GPC5: variants seen among roughly 807,000 people sequenced by gnomAD.
The protein encoded by GPC5 is glypican 5.
A neutral mutation model predicts 53.9 loss-of-function variants in GPC5; 47 were observed. The observed-to-expected ratio is 0.87, with a 90% confidence interval of 0.69 to 1.11. GPC5 has a LOEUF of 1.11. GPC5 is among the 50% of genes most tolerant of loss of function. GPC5 has a pLI of 0.00. For synonymous variants in GPC5, 286 were observed against 263.3 expected (o/e 1.09, Z -0.84); for missense variants, 748 against 713.1 (o/e 1.05, Z -0.56).
chr13:91,571,086 T>C (rs767120029), intron 2 of GPC5, among the ~76,000 whole-genome samples: 2 of 152,180 alleles, frequency 1.3e-5, no homozygotes, highest in African/African-American at 2.4e-5. Flanking sequence ...TTTTTAATGC[T>C]TCTGGTCTTT....
At chr13:92,459,160 A>G (rs1360918756) in intron 7 of GPC5, among the ~76,000 whole-genome samples, 2 of 152,180 alleles carry the variant, frequency 1.3e-5, no homozygotes, top group Non-Finnish European at 2.9e-5. Flanking sequence ...GCATCTCCAC[A>G]TCTTATTGAA....
intron 7 of GPC5, among the ~76,000 whole-genome samples, chr13:92,281,105 G>A (rs534049940): frequency 6.6e-6 from 1 of 152,190 alleles, no homozygotes; most frequent in Admixed American, 6.5e-5. Flanking sequence ...ATAATATCCC[G>A]TGCCTGGCTC....
intron 7 of GPC5, among the ~76,000 whole-genome samples, chr13:92,214,784 G>A (rs1248974144): frequency 4.6e-5 from 7 of 152,192 alleles, no homozygotes; most frequent in Admixed American, 2.0e-4. Flanking sequence ...CTTGAGATTA[G>A]TCTGCATTGT....
chr13:91,827,392 G>T (rs973073660), intron 5 of GPC5, among the ~76,000 whole-genome samples: 1 of 151,806 alleles, frequency 6.6e-6, no homozygotes, highest in Admixed American at 6.6e-5. Context: ...ACACAGGCAC[G>T]AATTGGAATA....
At chr13:92,755,782 A>G (rs1380721792) in intron 7 of GPC5, among the ~76,000 whole-genome samples, 1 of 141,688 alleles carries the variant, frequency 7.1e-6, no homozygotes, top group Non-Finnish European at 1.5e-5. Context: ...TAAACCAGGA[A>G]GAAGTTGAAT....
At chr13:92,185,227 G>GT (rs1555317422) in intron 7 of GPC5, among the ~76,000 whole-genome samples, 2 of 152,100 alleles carry the variant, frequency 1.3e-5, no homozygotes, top group African/African-American at 4.8e-5. Context: ...ATAACACACA[G>GT]TTTTTTATTC....
intron 3 of GPC5, among the ~76,000 whole-genome samples, chr13:91,727,827 T>C (rs966471488): frequency 6.6e-6 from 1 of 152,200 alleles, no homozygotes; most frequent in Non-Finnish European, 1.5e-5. Context: ...CAAGGTATCA[T>C]ATAAATCTTT....
intron 1 of GPC5, among the ~76,000 whole-genome samples, chr13:91,401,294 C>T (rs546666411): frequency 6.7e-6 from 1 of 149,926 alleles, no homozygotes; most frequent in Admixed American, 6.6e-5. Context: ...TCTCATCTCT[C>T]TAAAAAAAAA....
At chr13:92,256,907 C>G (rs1479509121) in intron 7 of GPC5, among the ~76,000 whole-genome samples, 1 of 151,972 alleles carries the variant, frequency 6.6e-6, no homozygotes, top group Admixed American at 6.6e-5. Flanking sequence ...ACTGAATGTG[C>G]TTGAGAAAGA....
At chr13:91,849,497 ATT>A (rs11349109) in intron 5 of GPC5, among the ~76,000 whole-genome samples, 1 of 151,352 alleles carries the variant, frequency 6.6e-6, no homozygotes, top group African/African-American at 2.4e-5. Flanking sequence ...ATATTCAGAG[ATT>A]TTTTTTTGGC....
intron 2 of GPC5, among the ~76,000 whole-genome samples, chr13:91,628,036 T>C (rs1489668251): frequency 6.6e-6 from 1 of 152,078 alleles, no homozygotes; most frequent in Non-Finnish European, 1.5e-5. Flanking sequence ...CTAAATAAAA[T>C]CAATTTTGTG....
At chr13:92,317,530 G>A (rs1044667665) in intron 7 of GPC5, among the ~76,000 whole-genome samples, 1 of 152,062 alleles carries the variant, frequency 6.6e-6, no homozygotes, top group African/African-American at 2.4e-5. Context: ...ATCTCACTCT[G>A]TTGTCCAGGC....
At chr13:92,786,241 A>G (rs1186355883) in intron 7 of GPC5, among the ~76,000 whole-genome samples, 1 of 152,232 alleles carries the variant, frequency 6.6e-6, no homozygotes. Flanking sequence ...TGGGATGTAG[A>G]AAGTTCTGAA....
chr13:91,503,805 A>ATCATC (rs1342279813), intron 2 of GPC5, among the ~76,000 whole-genome samples: 86 of 143,194 alleles, frequency 6.0e-4, no homozygotes, highest in African/African-American at 2.3e-3. Context: ...TAATAATAAT[A>ATCATC]ATAATAATAA....
chr13:92,117,768 C>A (rs990090514), intron 6 of GPC5, among the ~76,000 whole-genome samples: 5 of 151,988 alleles, frequency 3.3e-5, no homozygotes, highest in African/African-American at 1.2e-4. Flanking sequence ...CATTTCTAAA[C>A]GTTCTTTGGT....
chr13:91,745,582 T>A (rs1412363628), intron 4 of GPC5, among the ~76,000 whole-genome samples: 1 of 152,020 alleles, frequency 6.6e-6, no homozygotes, highest in Non-Finnish European at 1.5e-5. Flanking sequence ...GGAGATGACT[T>A]CCTATGTGGA....
At chr13:92,384,798 T>C (rs985811764) in intron 7 of GPC5, among the ~76,000 whole-genome samples, 7 of 152,168 alleles carry the variant, frequency 4.6e-5, no homozygotes, top group African/African-American at 1.2e-4. Flanking sequence ...CCGTGTGCCA[T>C]TGTCATCTAG....
intron 2 of GPC5, among the ~76,000 whole-genome samples, chr13:91,638,183 G>A (rs2034328870): frequency 6.6e-6 from 1 of 152,166 alleles, no homozygotes; most frequent in Non-Finnish European, 1.5e-5. Flanking sequence ...GTGGACAGTG[G>A]TGTACCTTCT....
At chr13:92,754,743 A>AT (rs1036814654) in intron 7 of GPC5, among the ~76,000 whole-genome samples, 1 of 151,658 alleles carries the variant, frequency 6.6e-6, no homozygotes, top group Admixed American at 6.6e-5. Context: ...AGGCCATTAC[A>AT]TAATGGTAAA....
Sources: gnomAD v4.1 joint callset for allele counts (sites outside exome capture counted in the v4.1 genomes callset) on GRCh38, gnomAD v4.1.1 for gene constraint, MANE v1.5 for transcripts, NCBI Gene and HGNC (gene_info 2026-07-23, HGNC 2026-07-21) for gene names.